Variants in MSH4 observed in about 807,000 individuals in gnomAD.
MSH4 encodes mutS protein homolog 4.
MSH4 carries 106 observed loss-of-function variants against 113.7 expected under a neutral mutation model. The observed-to-expected ratio is 0.93, with a 90% confidence interval of 0.80 to 1.10. The LOEUF is 1.10. Ranked by LOEUF, MSH4 falls within the 50% of genes least tolerant of loss-of-function variation. MSH4 has a pLI of 0.00. For synonymous variants in MSH4, 368 were observed against 380.2 expected (o/e 0.97, Z 0.37); for missense variants, 1,061 against 1,093.7 (o/e 0.97, Z 0.42).
intron 6 of MSH4, among the ~76,000 whole-genome samples, chr1:75,817,554 G>A (rs1480629040): frequency 1.3e-5 from 2 of 152,160 alleles, no homozygotes; most frequent in Non-Finnish European, 2.9e-5. Context: ...TTAAATGATA[G>A]AATATCTGAT....
chr1:75,843,224 C>T (rs542421559), intron 7 of MSH4, among the ~76,000 whole-genome samples: 20 of 152,226 alleles, frequency 1.3e-4, no homozygotes, highest in East Asian at 3.9e-4. Flanking sequence ...TAAATAACAG[C>T]GCAGCCAGAC....
rs748220798 is a variant in MSH4, at chr1:75,848,207, A to G, written c.1163-2A>G. 2.5e-6 allele frequency: 4 copies of G among 1,592,480 alleles called. No homozygotes were observed. Among genetic ancestry groups the G allele is most frequent in the Non-Finnish European group, 3.4e-6 (4 of 1,164,010 alleles). On this transcript the variant is annotated splice_acceptor_variant, in intron 7 of 19. Transcript: ENST00000263187. LOFTEE classifies it high-confidence loss of function. ...ATACTCACATTTGTTTGTTTGTTTCAGTTATATCAAGATTTCTTGATACAG... is the reference window on the plus strand; with the variant it reads ...ATACTCACATTTGTTTGTTTGTTTCGGTTATATCAAGATTTCTTGATACAG...
At chr1:75,818,643 G>T (rs1650342818) in intron 6 of MSH4, among the ~76,000 whole-genome samples, 1 of 152,116 alleles carries the variant, frequency 6.6e-6, no homozygotes, top group Non-Finnish European at 1.5e-5. Flanking sequence ...TTGCATTGCT[G>T]CCTTCTTTTT....
At chr1:75,809,892 G>A (rs776165785) in intron 3 of MSH4, among the ~76,000 whole-genome samples, 1 of 152,024 alleles carries the variant, frequency 6.6e-6, no homozygotes, top group Non-Finnish European at 1.5e-5. Flanking sequence ...CTCAAGTGAT[G>A]CAGTCGCCTT....
chr1:75,812,395 A>C (rs1650208612), intron 4 of MSH4, among the ~76,000 whole-genome samples: 1 of 152,148 alleles, frequency 6.6e-6, no homozygotes, highest in Non-Finnish European at 1.5e-5. Context: ...GTGAAAAATT[A>C]TTATAACAAA....
Position 75,912,668 on chromosome 1 carries a change from ATATATATTTT to A in MSH4, c.2620-26_2620-17del. ...AAAATTATGGTATTTGTGTATATAT[ATATATATTTT>A]TTTTTTTTCAATGACAGCAAAACCA... is the stretch of plus-strand genomic sequence containing the variant. On this transcript the variant is annotated intron_variant, in intron 19 of 19. Coordinates refer to ENST00000263187, the MANE Select transcript of MSH4 (RefSeq NM_002440.4). The A allele has an allele frequency of 8.1e-7, 1 of 1,237,366 alleles. No individual in the cohort carries two copies. Among genetic ancestry groups the A allele is most frequent in the Non-Finnish European group, 1.0e-6 (1 of 952,606 alleles). 76.6% of individuals were successfully genotyped at this position (1,237,366 alleles called of 1,614,324 possible).
chr1:75,895,625 A>G (rs1291892048), intron 17 of MSH4, among the ~76,000 whole-genome samples: 1 of 152,072 alleles, frequency 6.6e-6, no homozygotes, highest in Admixed American at 6.6e-5. Context: ...CAAATATTTT[A>G]TTTCTTCTTA....
chr1:75,810,481 C>T (rs1206566367), intron 3 of MSH4, among the ~76,000 whole-genome samples: 1 of 147,766 alleles, frequency 6.8e-6, no homozygotes, highest in African/African-American at 2.5e-5. Flanking sequence ...TCTCGAACTC[C>T]TGGCCTCAAG....
chr1:75,896,394 C>CACACAT (rs571761055), intron 17 of MSH4, among the ~76,000 whole-genome samples: 2,893 of 147,214 alleles, frequency 0.02, 88 homozygotes, highest in African/African-American at 0.04. Flanking sequence ...CACACACACA[C>CACACAT]CCTATTGGTC....
intron 17 of MSH4, among the ~76,000 whole-genome samples, chr1:75,896,417 G>T (rs1042876080): frequency 1.4e-5 from 2 of 144,362 alleles, no homozygotes; most frequent in African/African-American, 5.1e-5. Context: ...TTTCTCTGGA[G>T]AACCCCATCT....
intron 17 of MSH4, among the ~76,000 whole-genome samples, chr1:75,893,706 G>A (rs1652310436): frequency 6.6e-6 from 1 of 152,144 alleles, no homozygotes; most frequent in African/African-American, 2.4e-5. Context: ...AGAACTACTT[G>A]AATTTTCTAC....
At chr1:75,904,166 T>G (rs967240314) in intron 19 of MSH4, among the ~76,000 whole-genome samples, 5 of 152,178 alleles carry the variant, frequency 3.3e-5, no homozygotes, top group Non-Finnish European at 7.4e-5. Context: ...ACATATCATA[T>G]TTATTGATTT....
chr1:75,843,619 C>A (rs996177133), intron 7 of MSH4, among the ~76,000 whole-genome samples: 8 of 152,080 alleles, frequency 5.3e-5, no homozygotes, highest in Admixed American at 5.2e-4. Flanking sequence ...ACTCCCTAGA[C>A]CCCTTAGGTA....
chr1:75,864,030 A>T (rs1353782838), intron 8 of MSH4, among the ~76,000 whole-genome samples: 1 of 152,194 alleles, frequency 6.6e-6, no homozygotes, highest in African/African-American at 2.4e-5. Context: ...GTCTCCAAAA[A>T]GAAACGACTT....
intron 8 of MSH4, among the ~76,000 whole-genome samples, chr1:75,852,132 A>G (rs1651201632): frequency 6.6e-6 from 1 of 152,238 alleles, no homozygotes; most frequent in Admixed American, 6.5e-5. Flanking sequence ...GGAACATTTT[A>G]GTATGTACAG....
chr1:75,818,596 C>A (rs1650338406), intron 6 of MSH4, among the ~76,000 whole-genome samples: 1 of 152,160 alleles, frequency 6.6e-6, no homozygotes, highest in South Asian at 2.1e-4. Context: ...TAGCTGTCCT[C>A]ATTATTGTTG....
At chr1:75,877,854 T>C (rs990537051) in intron 10 of MSH4, among the ~76,000 whole-genome samples, 2 of 152,190 alleles carry the variant, frequency 1.3e-5, no homozygotes, top group African/African-American at 4.8e-5. Context: ...TCTTTAGAGA[T>C]GTATTTTGTA....
rs1650017004 is a variant in MSH4, at chr1:75,804,614, G to A, written c.427+701G>A. ...CAATGTCTGCTTTCCGGGTTCAAGT[G>A]ATTCTTCTGCCTCAGCCTCCTGAGT... On this transcript the variant is annotated intron_variant, in intron 2 of 19. Transcript: ENST00000263187. 2.0e-5 allele frequency among the ~76,000 whole-genome samples: 3 copies of A among 147,936 alleles called. No homozygotes were observed. In the South Asian group the frequency reaches 6.5e-4, roughly 32 times the overall value.
At chr1:75,843,139 C>T (rs61254599) in intron 7 of MSH4, among the ~76,000 whole-genome samples, 31,406 of 152,112 alleles carry the variant, frequency 0.21, 3,579 homozygotes, top group Middle Eastern at 0.3. Flanking sequence ...CCAGTGGACA[C>T]GTGACCCACG....
Sources: gnomAD v4.1 joint callset for allele counts (sites outside exome capture counted in the v4.1 genomes callset) on GRCh38, gnomAD v4.1.1 for gene constraint, MANE v1.5 for transcripts, NCBI Gene and HGNC (gene_info 2026-07-23, HGNC 2026-07-21) for gene names.